Variants in KHDRBS3 observed in about 807,000 individuals in gnomAD.
The protein encoded by KHDRBS3 is KH domain-containing, RNA-binding, signal transduction-associated protein 3.
KHDRBS3 carries 23 observed loss-of-function variants against 45.6 expected under a neutral mutation model. The ratio of observed to expected loss-of-function variants is 0.50; its 90% CI spans 0.36 to 0.72. The LOEUF is 0.72. KHDRBS3 is among the 30% of genes least tolerant of loss of function. KHDRBS3 has a pLI of 0.00. For missense variants in KHDRBS3, 352 were observed against 424.8 expected (o/e 0.83, Z 1.51); for synonymous variants, 162 against 156.5 (o/e 1.04, Z -0.26).
chr8:135,588,301 G>A (rs1447155922), intron 6 of KHDRBS3, among the ~76,000 whole-genome samples: 1 of 152,180 alleles, frequency 6.6e-6, no homozygotes, highest in Non-Finnish European at 1.5e-5. Flanking sequence ...TCAGTCAGAT[G>A]GAAGAGACAC....
intron 1 of KHDRBS3, among the ~76,000 whole-genome samples, chr8:135,520,608 T>C (rs970962340): frequency 6.6e-6 from 1 of 152,164 alleles, no homozygotes; most frequent in African/African-American, 2.4e-5. Flanking sequence ...TGCCACCCCA[T>C]TGAGGAAAGA....
At chr8:135,645,269 C>A (rs770609734) in intron 8 of KHDRBS3, 152 bp downstream of exon 8, 1 of 619,452 alleles carries the variant, frequency 1.6e-6, no homozygotes. Context: ...ATTTTTAGGG[C>A]TCCTTTATTA....
At chr8:135,645,882 A>T (rs1315351769) in intron 8 of KHDRBS3, among the ~76,000 whole-genome samples, 4 of 151,876 alleles carry the variant, frequency 2.6e-5, no homozygotes, top group Non-Finnish European at 5.9e-5. Flanking sequence ...TGGTTAATGG[A>T]TGTTAGGACA....
intron 1 of KHDRBS3, among the ~76,000 whole-genome samples, chr8:135,488,246 C>T (rs1368926857): frequency 1.3e-5 from 2 of 152,150 alleles, no homozygotes; most frequent in Non-Finnish European, 2.9e-5. Context: ...AGGAAGATTA[C>T]TACCGTATTG....
intron 5 of KHDRBS3, among the ~76,000 whole-genome samples, chr8:135,566,893 A>G (rs1453405516): frequency 6.6e-6 from 1 of 152,174 alleles, no homozygotes; most frequent in Non-Finnish European, 1.5e-5. Context: ...TAATCCAGAC[A>G]TGCATATTAC....
At chr8:135,597,638 T>G (rs891721403) in intron 6 of KHDRBS3, among the ~76,000 whole-genome samples, 8 of 152,200 alleles carry the variant, frequency 5.3e-5, no homozygotes, top group Middle Eastern at 3.4e-3. Context: ...CAAAGATACT[T>G]GTTTTGTTTT....
intron 2 of KHDRBS3, among the ~76,000 whole-genome samples, chr8:135,524,055 GC>G (rs1384782730): frequency 2.0e-5 from 3 of 151,688 alleles, no homozygotes; most frequent in African/African-American, 7.3e-5. Context: ...TCACTCTGTT[GC>G]CCAGGCTGTA....
chr8:135,626,973 G>C (rs1297275889), intron 7 of KHDRBS3, among the ~76,000 whole-genome samples: 1 of 152,144 alleles, frequency 6.6e-6, no homozygotes, highest in East Asian at 1.9e-4. Flanking sequence ...GTAGGAAGGA[G>C]TAGCAGGACA....
At chr8:135,492,516 C>CATATATATATATATATATACATATAT (rs3029812) in intron 1 of KHDRBS3, among the ~76,000 whole-genome samples, 130 of 145,856 alleles carry the variant, frequency 8.9e-4, no homozygotes, top group African/African-American at 3.1e-3. Context: ...TATATATATA[C>CATATATATATATATATATACATATAT]ATATATATAT....
rs373462281 is a variant in KHDRBS3, at chr8:135,501,536, A to T, written c.89-19701A>T. On this transcript the variant is annotated intron_variant, in intron 1 of 8. Coordinates refer to ENST00000355849, the MANE Select transcript of KHDRBS3 (RefSeq NM_006558.3). Reference sequence around the variant, plus strand: ...TCTGAATACATTTGAAAGAACACGAATTAATTCAACAGATTTGAGCTGGAA... The same window carrying T: ...TCTGAATACATTTGAAAGAACACGATTTAATTCAACAGATTTGAGCTGGAA... Among the ~76,000 whole-genome samples, 5 of 152,246 alleles carry T rather than the reference A, an allele frequency of 3.3e-5. No homozygotes were observed. The East Asian group carries it at 7.7e-4, about 23-fold the overall frequency.
chr8:135,485,676 A>G (rs1281444876), intron 1 of KHDRBS3, among the ~76,000 whole-genome samples: 1 of 151,856 alleles, frequency 6.6e-6, no homozygotes, highest in Admixed American at 6.6e-5. Context: ...TGATATAATC[A>G]CGCACAAATA....
chr8:135,596,189 A>G (rs978764313), intron 6 of KHDRBS3, among the ~76,000 whole-genome samples: 2 of 152,172 alleles, frequency 1.3e-5, no homozygotes, highest in Non-Finnish European at 2.9e-5. Flanking sequence ...ACATTAATTC[A>G]TGTTATACAC....
intron 1 of KHDRBS3, among the ~76,000 whole-genome samples, chr8:135,517,122 G>A (rs1876999): frequency 0.55 from 83,441 of 151,362 alleles, 24,036 homozygotes; most frequent in East Asian, 0.78. Context: ...CAAGAATTCT[G>A]CAGTGAGAGG....
intron 7 of KHDRBS3, among the ~76,000 whole-genome samples, chr8:135,632,062 A>G (rs1230832314): frequency 1.3e-5 from 2 of 152,224 alleles, no homozygotes; most frequent in Non-Finnish European, 2.9e-5. Context: ...CTGTGTATAT[A>G]TACACATGCG....
At chr8:135,526,041 A>G (rs1343319539) in intron 2 of KHDRBS3, among the ~76,000 whole-genome samples, 1 of 152,162 alleles carries the variant, frequency 6.6e-6, no homozygotes, top group Non-Finnish European at 1.5e-5. Flanking sequence ...ACAATTGCTT[A>G]TAGTACTTAG....
At chr8:135,522,047 C>G (rs1397206531) in intron 2 of KHDRBS3, among the ~76,000 whole-genome samples, 1 of 152,124 alleles carries the variant, frequency 6.6e-6, no homozygotes, top group African/African-American at 2.4e-5. Context: ...TTTGCCCCAT[C>G]ACCTAGGTAT....
chr8:135,614,582 A>G (rs1036265064), intron 7 of KHDRBS3, among the ~76,000 whole-genome samples: 1 of 151,836 alleles, frequency 6.6e-6, no homozygotes, highest in Non-Finnish European at 1.5e-5. Flanking sequence ...ATTGAGCATT[A>G]TAAACTGTCA....
intron 7 of KHDRBS3, among the ~76,000 whole-genome samples, chr8:135,635,646 G>A (rs1376900429): frequency 1.3e-5 from 2 of 152,170 alleles, no homozygotes; most frequent in Non-Finnish European, 2.9e-5. Context: ...GTCTCCCAAA[G>A]TGCTGGGATT....
At chr8:135,492,015 T>C (rs768459269) in intron 1 of KHDRBS3, among the ~76,000 whole-genome samples, 5 of 152,092 alleles carry the variant, frequency 3.3e-5, no homozygotes, top group Non-Finnish European at 5.9e-5. Context: ...TTAATGTTGT[T>C]CTTTGAGTAC....
Sources: allele counts gnomAD v4.1 joint callset (sites outside exome capture counted in the v4.1 genomes callset), GRCh38; gene constraint gnomAD v4.1.1; transcripts MANE v1.5; gene names NCBI Gene and HGNC (gene_info 2026-07-23, HGNC 2026-07-21).